TM2D1: variants seen among roughly 807,000 people sequenced by gnomAD.
TM2D1 encodes the protein TM2 domain-containing protein 1.
In TM2D1, 15 loss-of-function variants were observed where a neutral mutation model predicts 28.4. That is an observed-to-expected ratio of 0.53 (90% CI 0.35 to 0.81). TM2D1 has a LOEUF of 0.81. TM2D1 is among the 40% of genes least tolerant of loss of function. The pLI is 0.01. For missense variants in TM2D1, 236 were observed against 254.9 expected, an observed-to-expected ratio of 0.93 and a Z score of 0.50; for synonymous variants, 93 against 96.2, an observed-to-expected ratio of 0.97 and a Z score of 0.20.
Position 61,711,352 on chromosome 1 carries a change from A to T in TM2D1, c.239-1915T>A, listed in dbSNP as rs538896788. Among the ~76,000 whole-genome samples, 6 of 151,728 alleles carry T rather than the reference A, an allele frequency of 4.0e-5. No homozygotes were observed. The East Asian group carries it at 7.8e-4, about 20-fold the overall frequency. On this transcript the variant is annotated intron_variant, in intron 2 of 6. Coordinates refer to ENST00000606498, the MANE Select transcript of TM2D1 (RefSeq NM_032027.3). ...CTCAAAAAAAAAAAAAAGAAAAAAA[A>T]ATATACAAAGAGATGTGGACAGAAG...
rs1289487816 is a variant in TM2D1 at position 61,715,996 on chromosome 1, G to A, written c.239-6559C>T. 7.3e-5 allele frequency among the ~76,000 whole-genome samples: 11 copies of A among 151,106 alleles called. No homozygotes were observed. In the East Asian group the frequency reaches 1.2e-3, roughly 16 times the overall value. On this transcript the variant is annotated intron_variant, in intron 2 of 6. Coordinates refer to ENST00000606498, the MANE Select transcript of TM2D1 (RefSeq NM_032027.3). The stretch of plus-strand genomic sequence containing the variant: ...TTTTTTTTGTATTTTTAGTAGAGAC[G>A]GGGTTTCACCATGTTAGCCAGGATG...
chr1:61,701,988 G>A (rs993519833), intron 3 of TM2D1, among the ~76,000 whole-genome samples: 13 of 152,146 alleles, frequency 8.5e-5, no homozygotes, highest in Non-Finnish European at 1.9e-4. Context: ...TCAGGAGTTC[G>A]AGAACAGCCT....
At chr1:61,689,218 C>T (rs918823507) in intron 5 of TM2D1, among the ~76,000 whole-genome samples, 5 of 152,056 alleles carry the variant, frequency 3.3e-5, no homozygotes, top group East Asian at 1.9e-4. Context: ...CTCACATAGA[C>T]GTGATTCCAT....
At chr1:61,722,358 T>G (rs1644574135) in intron 2 of TM2D1, among the ~76,000 whole-genome samples, 1 of 152,064 alleles carries the variant, frequency 6.6e-6, no homozygotes, top group South Asian at 2.1e-4. Flanking sequence ...TTTAGATATA[T>G]TACGCTTAAA....
chr1:61,720,260 T>A (rs911209944), intron 2 of TM2D1, among the ~76,000 whole-genome samples: 1 of 152,026 alleles, frequency 6.6e-6, no homozygotes, highest in African/African-American at 2.4e-5. Flanking sequence ...TTTCTTTTTT[T>A]AGACAGAGTC....
intron 2 of TM2D1, among the ~76,000 whole-genome samples, chr1:61,709,860 T>C (rs1644464705): frequency 1.3e-5 from 2 of 152,228 alleles, no homozygotes; most frequent in African/African-American, 2.4e-5. Flanking sequence ...TTTTAGCATA[T>C]ACCAACGCTT....
Position 61,704,481 on chromosome 1 carries a change from G to T in TM2D1, c.348-3456C>A, listed in dbSNP as rs532339811. Among the ~76,000 whole-genome samples, 3 of 152,100 alleles carry T rather than the reference G, an allele frequency of 2.0e-5. No individual in the cohort carries two copies. In the East Asian group the frequency reaches 5.8e-4, roughly 29 times the overall value. On this transcript the variant is annotated intron_variant, in intron 3 of 6. Transcript: ENST00000606498. ...AGTTTCAATCTTGTCACCCAGGCTG[G>T]AGCGCAATGGCACAATGTCGGCTTA...
At chr1:61,685,862 T>C (rs1186343224) in intron 5 of TM2D1, among the ~76,000 whole-genome samples, 3 of 151,994 alleles carry the variant, frequency 2.0e-5, no homozygotes, top group African/African-American at 7.2e-5. Flanking sequence ...GAAAATAAAA[T>C]ATTAGCCAGG....
chr1:61,692,000 A>G (rs945397004), intron 5 of TM2D1, among the ~76,000 whole-genome samples: 3 of 144,022 alleles, frequency 2.1e-5, no homozygotes, highest in Non-Finnish European at 4.6e-5. Context: ...GTCTTTAAAT[A>G]TTCAAAACTA....
At chr1:61,716,596 C>T (rs1285782184) in intron 2 of TM2D1, among the ~76,000 whole-genome samples, 8 of 146,576 alleles carry the variant, frequency 5.5e-5, no homozygotes, top group Non-Finnish European at 1.2e-4. Context: ...TATATATACA[C>T]ACACACACAC....
chr1:61,703,413 A>AT (rs562710565), intron 3 of TM2D1, among the ~76,000 whole-genome samples: 188 of 131,448 alleles, frequency 1.4e-3, no homozygotes, highest in African/African-American at 3.4e-3. Flanking sequence ...GTTTCACATA[A>AT]TTTTTTTTTT....
At position 61,700,977 on chromosome 1, in the gene TM2D1, T is replaced by G; in HGVS notation, c.396A>C (p.Gly132=). The change falls in exon 4 of 7, where the codon GGA becomes GGC. Residue 132 remains glycine, a synonymous_variant. Transcript: ENST00000606498. ...GGTAAAATCGATCTGCTCCCAACCA[T>G]CCAAGAAAAAGAGACAATGCGACTG... ...KVAVALSLFL[G]WLGADRFYLG... The G allele has an allele frequency of 6.2e-7, 1 of 1,611,046 alleles. No homozygotes were observed. Among genetic ancestry groups the G allele is most frequent in the Non-Finnish European group, 8.5e-7 (1 of 1,178,700 alleles).
At chr1:61,702,592 T>G (rs1464462790) in intron 3 of TM2D1, among the ~76,000 whole-genome samples, 1 of 150,636 alleles carries the variant, frequency 6.6e-6, no homozygotes, top group Non-Finnish European at 1.5e-5. Context: ...GGTATCAAAC[T>G]CCTGGCCTCA....
intron 4 of TM2D1, 27 bp downstream of exon 4, chr1:61,700,907 G>A (rs1468086920): frequency 1.1e-5 from 17 of 1,523,158 alleles, no homozygotes; most frequent in Non-Finnish European, 1.5e-5. Context: ...GTTTCATAAG[G>A]ATTTTTTTTT....
intron 4 of TM2D1, 102 bp downstream of exon 4, chr1:61,700,832 T>C (rs754441332): frequency 3.1e-5 from 26 of 826,256 alleles, no homozygotes; most frequent in Non-Finnish European, 4.4e-5. Flanking sequence ...TCCAATTATA[T>C]AGAACTTATA....
At chr1:61,713,292 A>G (rs547846836) in intron 2 of TM2D1, among the ~76,000 whole-genome samples, 3 of 152,196 alleles carry the variant, frequency 2.0e-5, no homozygotes, top group African/African-American at 7.2e-5. Flanking sequence ...AGTCTGGCCA[A>G]CATGGTGAAA....
chr1:61,717,205 A>C lies in TM2D1; in HGVS notation c.238+6508T>G, dbSNP rs1020525800. Among the ~76,000 whole-genome samples the C allele has an allele frequency of 1.1e-4, 16 of 150,668 alleles. 1 individual carries two copies. Among genetic ancestry groups the C allele is most frequent in the Admixed American group, 2.0e-4 (3 of 15,076 alleles). On this transcript the variant is annotated intron_variant, in intron 2 of 6. Coordinates refer to ENST00000606498, the MANE Select transcript of TM2D1 (RefSeq NM_032027.3). ...CTACTAAAAATACAAAACAAAACAA[A>C]AAAAAAAAAACAATTAGCCGGGCGT...
intron 5 of TM2D1, among the ~76,000 whole-genome samples, chr1:61,686,073 A>G (rs1033940477): frequency 1.1e-4 from 17 of 152,176 alleles, no homozygotes; most frequent in Non-Finnish European, 2.2e-4. Flanking sequence ...TGGAAGAGAA[A>G]GCTGTCTCTT....
intron 4 of TM2D1, among the ~76,000 whole-genome samples, 152 bp from the exon 5 acceptor site, chr1:61,694,922 T>C (rs899115127): frequency 6.6e-6 from 1 of 151,836 alleles, no homozygotes; most frequent in African/African-American, 2.4e-5. Context: ...AAATCTTCAC[T>C]TGAAAATGAG....
Sources: gnomAD v4.1 joint callset for allele counts (sites outside exome capture counted in the v4.1 genomes callset) on GRCh38, gnomAD v4.1.1 for gene constraint, MANE v1.5 for transcripts, NCBI Gene and HGNC (gene_info 2026-07-23, HGNC 2026-07-21) for gene names.